ADK: variants seen among roughly 807,000 people sequenced by gnomAD.
ADK encodes the protein adenosine kinase, also known as N6,N6-dimethyladenosine kinase.
A neutral mutation model predicts 44.7 loss-of-function variants in ADK; 24 were observed. That is an observed-to-expected ratio of 0.54 (90% CI 0.39 to 0.76). The LOEUF (loss-of-function observed/expected upper bound fraction) is 0.76. Among genes scored for constraint, ADK ranks in the 30% least tolerant of loss-of-function variants. The pLI is 0.00. For synonymous variants in ADK, 128 were observed against 142.6 expected, an observed-to-expected ratio of 0.90 and a Z score of 0.73; for missense variants, 321 against 425.1, an observed-to-expected ratio of 0.76 and a Z score of 2.15.
At chr10:74,202,609 C>T (rs924127983) in intron 2 of ADK, among the ~76,000 whole-genome samples, 3 of 152,176 alleles carry the variant, frequency 2.0e-5, no homozygotes, top group Admixed American at 6.5e-5. Context: ...AGTTTCTCTA[C>T]GTCTTTGCCA....
chr10:74,638,536 A>C (rs553492783), intron 9 of ADK, among the ~76,000 whole-genome samples: 3 of 152,290 alleles, frequency 2.0e-5, no homozygotes, highest in African/African-American at 7.2e-5. Flanking sequence ...ACACGCCTGT[A>C]GTCTTGGCTA....
chr10:74,304,484 A>G (rs1294223377), intron 3 of ADK, among the ~76,000 whole-genome samples: 1 of 152,178 alleles, frequency 6.6e-6, no homozygotes, highest in Non-Finnish European at 1.5e-5. Context: ...TTGCTGGGTA[A>G]CATATCTGTG....
chr10:74,290,380 A>G (rs1032573020), intron 3 of ADK, among the ~76,000 whole-genome samples: 3 of 152,202 alleles, frequency 2.0e-5, no homozygotes, highest in Admixed American at 1.3e-4. Flanking sequence ...ATGCAAAATA[A>G]GTATCCGTGA....
intron 10 of ADK, among the ~76,000 whole-genome samples, chr10:74,680,547 C>T (rs888503421): frequency 2.0e-4 from 30 of 151,604 alleles, no homozygotes; most frequent in Admixed American, 1.8e-3. Context: ...TTACAATGTG[C>T]CCTTATTGGC....
intron 3 of ADK, among the ~76,000 whole-genome samples, chr10:74,304,049 T>C (rs1449668307): frequency 1.3e-5 from 2 of 152,204 alleles, no homozygotes; most frequent in Non-Finnish European, 1.5e-5. Flanking sequence ...CTGTATACTT[T>C]TGAATTTACA....
intron 4 of ADK, among the ~76,000 whole-genome samples, chr10:74,323,780 C>T (rs1044245525): frequency 6.6e-5 from 10 of 152,010 alleles, no homozygotes; most frequent in Admixed American, 4.6e-4. Context: ...CCGTGTTAGC[C>T]AGGATGGTCT....
intron 1 of ADK, among the ~76,000 whole-genome samples, chr10:74,183,300 G>A (rs530113317): frequency 3.3e-5 from 5 of 152,250 alleles, no homozygotes; most frequent in Admixed American, 1.3e-4. Context: ...TGCTGGGCAC[G>A]GTGGCACATG....
intron 4 of ADK, among the ~76,000 whole-genome samples, chr10:74,317,406 G>A (rs1251313252): frequency 6.6e-6 from 1 of 152,050 alleles, no homozygotes; most frequent in Non-Finnish European, 1.5e-5. Context: ...ATTTGTAGAA[G>A]CACTTAATGT....
chr10:74,620,555 A>G (rs966626955), intron 9 of ADK, among the ~76,000 whole-genome samples: 3 of 152,198 alleles, frequency 2.0e-5, no homozygotes, highest in African/African-American at 7.2e-5. Context: ...TCTTGGCTAT[A>G]GTGAATAATG....
At chr10:74,156,621 G>A (rs577131591) in intron 1 of ADK, among the ~76,000 whole-genome samples, 2 of 152,208 alleles carry the variant, frequency 1.3e-5, no homozygotes, top group African/African-American at 4.8e-5. Context: ...CAGTTAGGTG[G>A]GGGAAAAAAA....
intron 8 of ADK, 94 bp from the exon 9 acceptor site, chr10:74,600,285 A>G: frequency 1.3e-6 from 1 of 784,268 alleles, no homozygotes; most frequent in Non-Finnish European, 2.2e-6. Context: ...CAGGTCTCTT[A>G]TTTTGATCAA....
chr10:74,568,776 T>C (rs1850798944), intron 7 of ADK, among the ~76,000 whole-genome samples: 1 of 152,136 alleles, frequency 6.6e-6, no homozygotes, highest in Non-Finnish European at 1.5e-5. Context: ...TTTTATATTT[T>C]TATCTTTTTT....
chr10:74,580,471 A>C (rs1439241857), intron 7 of ADK, among the ~76,000 whole-genome samples: 5 of 151,956 alleles, frequency 3.3e-5, no homozygotes, highest in African/African-American at 1.2e-4. Context: ...GCTACTTGAG[A>C]GGCTGAGGCA....
intron 2 of ADK, among the ~76,000 whole-genome samples, chr10:74,220,235 C>T (rs1343594885): frequency 6.6e-6 from 1 of 151,822 alleles, no homozygotes; most frequent in Non-Finnish European, 1.5e-5. Flanking sequence ...GAGAATACTA[C>T]AAATACCTCT....
chr10:74,387,871 G>A (rs938660768), intron 4 of ADK, among the ~76,000 whole-genome samples: 4 of 151,782 alleles, frequency 2.6e-5, no homozygotes, highest in African/African-American at 4.8e-5. Context: ...ACTAAACTGC[G>A]TAGGTTGTTA....
intron 10 of ADK, among the ~76,000 whole-genome samples, chr10:74,687,661 T>C (rs111822843): frequency 1.3e-5 from 2 of 152,322 alleles, no homozygotes; most frequent in Admixed American, 6.5e-5. Context: ...TATCATACAA[T>C]ACATGGAACA....
chr10:74,454,591 G>GA (rs1288933677), intron 6 of ADK, among the ~76,000 whole-genome samples: 5 of 151,466 alleles, frequency 3.3e-5, no homozygotes, highest in Admixed American at 1.3e-4. Flanking sequence ...TATAGGAGAG[G>GA]AAAAAAAATA....
intron 6 of ADK, among the ~76,000 whole-genome samples, chr10:74,413,349 G>C (rs890601033): frequency 4.6e-5 from 7 of 152,160 alleles, no homozygotes; most frequent in African/African-American, 1.4e-4. Flanking sequence ...TTTTGTCTAT[G>C]TTGAAAACCT....
chr10:74,595,997 C>CAAA lies in ADK; in HGVS notation c.763-4365_763-4363dup, dbSNP rs35924345. Among the ~76,000 whole-genome samples, 230 of 62,684 alleles carry CAAA rather than the reference C, an allele frequency of 3.7e-3. 3 individuals carry two copies. Among genetic ancestry groups the CAAA allele is most frequent in the African/African-American group, 0.011 (213 of 18,618 alleles). The allele number at this position is 62,684 out of a possible 152,430, so 41.1% of individuals were successfully genotyped here. ...GGGCAACAAGAGCGAAATTCCATCT[C>CAAA]AAAAAAAAAAAAAAAAAAACCACTG... On this transcript the variant is annotated intron_variant, in intron 8 of 10. Transcript: ENST00000539909.
Sources: gnomAD v4.1 joint callset for allele counts (sites outside exome capture counted in the v4.1 genomes callset) on GRCh38, gnomAD v4.1.1 for gene constraint, MANE v1.5 for transcripts, NCBI Gene and HGNC (gene_info 2026-07-23, HGNC 2026-07-21) for gene names.